HSD17B4: variants seen among roughly 807,000 people sequenced by gnomAD.
The protein encoded by HSD17B4 is peroxisomal multifunctional enzyme type 2.
HSD17B4 carries 70 observed loss-of-function variants against 101.0 expected under a neutral mutation model. The observed-to-expected ratio is 0.69, with a 90% CI of 0.57 to 0.85. The LOEUF is 0.85. HSD17B4 is among the 40% of genes least tolerant of loss of function. The pLI, the probability that HSD17B4 is intolerant of heterozygous loss-of-function variation, is 0.00. For missense variants in HSD17B4, 984 were observed against 892.4 expected, an observed-to-expected ratio of 1.10 and a Z score of -1.31; for synonymous variants, 347 against 297.1, an observed-to-expected ratio of 1.17 and a Z score of -1.73.
In HSD17B4 at chr5:119,478,861, A is replaced by T. The variant is rs1472180861; in HGVS notation, c.462A>T (p.Gly154=). The change falls in exon 8 of 24, where the codon GGA becomes GGT. Residue 154 remains glycine, a synonymous_variant. Coordinates refer to ENST00000510025, the MANE Select transcript of HSD17B4 (RefSeq NM_000414.4). ...TTATTATGACTTCATCAGCTTCAGG[A>T]ATATATGGCAACTTTGGCCAGGCCA... is the stretch of plus-strand genomic sequence containing the variant. ...GRIIMTSSAS[G]IYGNFGQANY... The T allele has an allele frequency of 6.2e-7, 1 of 1,613,498 alleles. No homozygotes were observed. Among genetic ancestry groups the T allele is most frequent in the Non-Finnish European group, 8.5e-7 (1 of 1,179,600 alleles).
intron 6 of HSD17B4, 57 bp downstream of exon 6, chr5:119,475,927 T>A: frequency 7.7e-7 from 1 of 1,294,402 alleles, no homozygotes; most frequent in Non-Finnish European, 1.1e-6. Flanking sequence ...GCCTTTTTAG[T>A]ATTTGATAAA....
intron 14 of HSD17B4, among the ~76,000 whole-genome samples, chr5:119,504,673 A>G (rs568150907): frequency 1.5e-4 from 23 of 152,242 alleles, no homozygotes; most frequent in African/African-American, 3.9e-4. Flanking sequence ...GATTCTAGAC[A>G]TTAGACCTCT....
At chr5:119,526,475 A>G (rs1017598454) in intron 19 of HSD17B4, among the ~76,000 whole-genome samples, 3 of 151,892 alleles carry the variant, frequency 2.0e-5, no homozygotes, top group Non-Finnish European at 4.4e-5. Flanking sequence ...ATTTTTATCC[A>G]TTATAAATAA....
At chr5:119,529,087 T>C (rs1275501954) in intron 20 of HSD17B4, among the ~76,000 whole-genome samples, 1 of 152,140 alleles carries the variant, frequency 6.6e-6, no homozygotes, top group African/African-American at 2.4e-5. Context: ...AGTGAACAAA[T>C]TACTTGAAAG....
chr5:119,531,596 T>C (rs954866631), intron 22 of HSD17B4, among the ~76,000 whole-genome samples, 192 bp downstream of exon 22: 17 of 151,064 alleles, frequency 1.1e-4, no homozygotes, highest in African/African-American at 2.4e-4. Context: ...TGTGTGTGTG[T>C]TTGTGTGTGT....
intron 17 of HSD17B4, among the ~76,000 whole-genome samples, chr5:119,521,454 ATTAG>A (rs144035421): frequency 0.021 from 3,133 of 152,150 alleles, 89 homozygotes; most frequent in African/African-American, 0.071. Context: ...AATTTTAAAT[ATTAG>A]TTCTCTTTCA....
intron 9 of HSD17B4, among the ~76,000 whole-genome samples, chr5:119,490,805 T>A (rs1206172477): frequency 6.6e-6 from 1 of 152,162 alleles, no homozygotes; most frequent in Non-Finnish European, 1.5e-5. Context: ...TGACCTCAAA[T>A]AATCTGCCCG....
intron 4 of HSD17B4, among the ~76,000 whole-genome samples, chr5:119,474,878 T>C (rs1376728838): frequency 6.6e-6 from 1 of 152,188 alleles, no homozygotes; most frequent in Admixed American, 6.5e-5. Flanking sequence ...TTCTCTATAA[T>C]AAAAATCTTA....
intron 16 of HSD17B4, among the ~76,000 whole-genome samples, chr5:119,510,107 T>A (rs781006217): frequency 1.3e-5 from 2 of 152,246 alleles, no homozygotes; most frequent in African/African-American, 2.4e-5. Context: ...TTTGAAATTG[T>A]GTGTGTTCCT....
At chr5:119,526,541 T>C (rs150172968) in intron 19 of HSD17B4, among the ~76,000 whole-genome samples, 1 of 152,088 alleles carries the variant, frequency 6.6e-6, no homozygotes, top group Non-Finnish European at 1.5e-5. Flanking sequence ...CCAAAAGATG[T>C]ACACTTAAAA....
In HSD17B4 at chr5:119,474,438, C is replaced by G; in HGVS notation, c.258C>G (p.Ala86=). Residue 86 remains alanine, a synonymous_variant, in exon 4 of 24, where the codon GCC becomes GCG. Transcript: ENST00000510025. ...VEEGEKVVKT[A]LDAFGRIDVV... ...AAGGAGAGAAGGTTGTGAAGACAGC[C>G]CTGGATGCTTTTGGAAGAATAGGTG... 6.2e-7 allele frequency: 1 copy of G among 1,608,272 alleles called. No homozygotes were observed. The highest frequency in any genetic ancestry group is 8.5e-7 in the Non-Finnish European group (1 of 1,174,826).
In HSD17B4 at chr5:119,452,574, T is replaced by A; in HGVS notation, c.-2T>A. The A allele has an allele frequency of 3.1e-6, 5 of 1,613,914 alleles. No homozygotes were observed. The highest frequency in any genetic ancestry group is 4.2e-6 in the Non-Finnish European group (5 of 1,179,978). Reference sequence around the variant, plus strand: ...GTGTGTGTGTCGTTGCAGGCCTTATTCATGGGCTCACCGCTGAGGTTCGAC... The same window carrying A: ...GTGTGTGTGTCGTTGCAGGCCTTATACATGGGCTCACCGCTGAGGTTCGAC... On this transcript the variant is annotated 5_prime_UTR_variant, in exon 1 of 24. Transcript: ENST00000510025.
At chr5:119,490,693 T>C (rs911545379) in intron 9 of HSD17B4, among the ~76,000 whole-genome samples, 3 of 152,062 alleles carry the variant, frequency 2.0e-5, no homozygotes, top group Non-Finnish European at 4.4e-5. Context: ...CTTAGCCTCC[T>C]GAGTATCTGG....
At chr5:119,522,780 TTC>T (rs1753232516) in intron 17 of HSD17B4, among the ~76,000 whole-genome samples, 1 of 152,188 alleles carries the variant, frequency 6.6e-6, no homozygotes, top group Non-Finnish European at 1.5e-5. Context: ...CTTTGTTTTA[TTC>T]TGTTCTCCCC....
chr5:119,522,592 A>G (rs936696486), intron 17 of HSD17B4, among the ~76,000 whole-genome samples: 3 of 152,154 alleles, frequency 2.0e-5, no homozygotes, highest in Admixed American at 6.5e-5. Flanking sequence ...CAAGATTCTT[A>G]GTTCAAAATT....
intron 6 of HSD17B4, chr5:119,476,725 G>GT: frequency 1.0e-6 from 1 of 985,128 alleles, no homozygotes; most frequent in Non-Finnish European, 1.2e-6. Flanking sequence ...CGGGACTGAG[G>GT]TATTTCCTTC....
At chr5:119,519,761 A>G (rs1022083025) in intron 17 of HSD17B4, among the ~76,000 whole-genome samples, 2 of 152,234 alleles carry the variant, frequency 1.3e-5, no homozygotes, top group African/African-American at 4.8e-5. Flanking sequence ...AAAGCAACAC[A>G]AGCATTCATC....
chr5:119,480,938 C>T (rs1749070691), intron 8 of HSD17B4, among the ~76,000 whole-genome samples: 1 of 152,190 alleles, frequency 6.6e-6, no homozygotes. Context: ...CTGCTCGGCT[C>T]ACCAGCGGTC....
In HSD17B4 at chr5:119,490,595, TTCTC is replaced by T. The variant is rs201616212; in HGVS notation, c.714+1314_714+1317del. Among the ~76,000 whole-genome samples the T allele has an allele frequency of 6.6e-3, 998 of 152,204 alleles. 13 individuals are homozygous for T. Among genetic ancestry groups the T allele is most frequent in the African/African-American group, 0.024 (979 of 41,526 alleles). On this transcript the variant is annotated intron_variant, in intron 9 of 23. Coordinates refer to ENST00000510025, the MANE Select transcript of HSD17B4 (RefSeq NM_000414.4). Reference sequence around the variant, plus strand: ...TTTTATTTTTTTTGAGGCAGAGTCTTTCTCTGTTGCCCAGGCTGAAGTGCAGTGG... The same window carrying T: ...TTTTATTTTTTTTGAGGCAGAGTCTTTGTTGCCCAGGCTGAAGTGCAGTGG...
Sources: gnomAD v4.1 joint callset for allele counts (sites outside exome capture counted in the v4.1 genomes callset) on GRCh38, gnomAD v4.1.1 for gene constraint, MANE v1.5 for transcripts, NCBI Gene and HGNC (gene_info 2026-07-23, HGNC 2026-07-21) for gene names.